Variants in WDR74 observed in about 807,000 individuals in gnomAD.
The protein encoded by WDR74 is WD repeat domain 74, also known as WD repeat-containing protein 74.
In WDR74, 31 loss-of-function variants were observed where a neutral mutation model predicts 45.6. The observed-to-expected ratio is 0.68, with a 90% confidence interval of 0.51 to 0.92. The LOEUF (loss-of-function observed/expected upper bound fraction) is 0.92, where lower values mean the gene tolerates loss of function less well. Ranked by LOEUF, WDR74 falls within the 40% of genes least tolerant of loss-of-function variation. The pLI is 0.00. For missense variants in WDR74, 455 were observed against 497.2 expected, an observed-to-expected ratio of 0.92 and a Z score of 0.81; for synonymous variants, 191 against 192.4, an observed-to-expected ratio of 0.99 and a Z score of 0.06.
chr11:62,833,839 C>A lies in WDR74; in HGVS notation c.874G>T (p.Val292Phe). 6.2e-7 allele frequency: 1 copy of A among 1,613,986 alleles called. No homozygotes were observed. Among genetic ancestry groups the A allele is most frequent in the Non-Finnish European group, 8.5e-7 (1 of 1,179,884 alleles). Residue 292 changes from valine to phenylalanine, a missense_variant, in exon 9 of 11, where the codon GTC becomes TTC. Coordinates refer to ENST00000278856, the MANE Select transcript of WDR74 (RefSeq NM_001369450.1). ...TTCTGGATCCTGTGTATCCTCAAGA[C>A]TCTGTCCAAGCCACAGGAGGCTAGT... ...PLLASCGLDR[V>F]LRIHRIQNPR...
intron 3 of WDR74, among the ~76,000 whole-genome samples, chr11:62,837,414 T>C (rs2084974489): frequency 6.6e-6 from 1 of 150,764 alleles, no homozygotes; most frequent in Non-Finnish European, 1.5e-5. Context: ...AGAGAATCGC[T>C]TGAGCCTGGG....
upstream of WDR74, chr11:62,841,597 A>C (rs904899751): frequency 6.6e-6 from 1 of 152,180 alleles, no homozygotes; most frequent in African/African-American, 2.4e-5. Context: ...TCCATTAAAC[A>C]ACGGTTGTTC....
upstream of WDR74, chr11:62,841,533 A>C (rs540804157): frequency 1.3e-5 from 2 of 151,624 alleles, no homozygotes; most frequent in African/African-American, 4.8e-5. Context: ...ACCTAATCCA[A>C]CTCAAACAAC....
intron 3 of WDR74, among the ~76,000 whole-genome samples, chr11:62,838,769 A>AC (rs2084998031): frequency 6.6e-6 from 1 of 151,828 alleles, no homozygotes; most frequent in African/African-American, 2.4e-5. Flanking sequence ...CCAAAAAAAA[A>AC]AAAAACAAAA....
chr11:62,836,159 T>C, intron 3 of WDR74, 123 bp from the exon 4 acceptor site: 1 of 1,013,230 alleles, frequency 9.9e-7, no homozygotes, highest in African/African-American at 1.6e-5. Flanking sequence ...AAAAGTATTC[T>C]CTAGGCCCCA....
Position 62,833,661 on chromosome 11 carries a change from G to C in WDR74, c.935C>G (p.Ser312Cys). 6.4e-7 allele frequency: 1 copy of C among 1,554,854 alleles called. No individual in the cohort carries two copies. Among genetic ancestry groups the C allele is most frequent in the Non-Finnish European group, 8.7e-7 (1 of 1,148,778 alleles). Reference protein sequence around the residue: ...RGLEHKVYLKSQLNCLLLSGR... With the variant: ...RGLEHKVYLKCQLNCLLLSGR... ...TGACAAGAGGAGGCAGTTCAATTGA[G>C]ACTTGAGATAAACCTGCAAAAGATG... Residue 312 changes from serine (S) to cysteine (C), a missense_variant, in exon 10 of 11, where the codon TCT becomes TGT. Coordinates refer to ENST00000278856, the MANE Select transcript of WDR74 (RefSeq NM_001369450.1).
intron 3 of WDR74, among the ~76,000 whole-genome samples, chr11:62,837,825 T>C (rs895423771): frequency 6.6e-6 from 1 of 152,236 alleles, no homozygotes; most frequent in Non-Finnish European, 1.5e-5. Flanking sequence ...TCCAACCACT[T>C]AGCACCTTCC....
chr11:62,840,835 G>A (rs955968402), upstream of WDR74, among the ~76,000 whole-genome samples: 1 of 152,140 alleles, frequency 6.6e-6, no homozygotes, highest in Non-Finnish European at 1.5e-5. Context: ...CCAACCTCCC[G>A]AAGTGCTAGG....
At chr11:62,834,560 C>T in intron 6 of WDR74, 33 bp from the exon 7 acceptor site, 1 of 1,580,012 alleles carries the variant, frequency 6.3e-7, no homozygotes, top group South Asian at 1.1e-5. Context: ...CAAAAGTATC[C>T]TCACCCTGCA....
chr11:62,841,464 A>T (rs529292234), upstream of WDR74: 8 of 152,372 alleles, frequency 5.3e-5, no homozygotes, highest in African/African-American at 1.7e-4. Context: ...TTATAAAACA[A>T]AACCTTCTCT....
In WDR74 at chr11:62,833,672, A is replaced by C. The variant is rs2084912036; in HGVS notation, c.924T>G (p.Val308=). ...IQNPRGLEHK[V]YLKSQLNCLL... is the part of the protein sequence containing the mutation. ...GGCAGTTCAATTGAGACTTGAGATA[A>C]ACCTGCAAAAGATGAGGGACCTTAA... is the stretch of plus-strand genomic sequence containing the variant. The change falls in exon 10 of 11, where the codon GTT becomes GTG. Residue 308 remains valine (V), a splice_region_variant and synonymous_variant. Coordinates refer to ENST00000278856, the MANE Select transcript of WDR74 (RefSeq NM_001369450.1). The C allele has an allele frequency of 6.4e-7, 1 of 1,557,088 alleles. No homozygotes were observed. The highest frequency in any genetic ancestry group is 1.4e-5 in the African/African-American group (1 of 73,330).
Position 62,839,218 on chromosome 11 carries a change from C to T in WDR74, c.189G>A (p.Ala63=), listed in dbSNP as rs772690331. ...TGCTGAAGTGCTTCACCGTCCTGTC[C>T]GCGCAGCCCACCAGCATCTGCGGCA... The part of the protein sequence containing the change: ...GGETQMLVGC[A]DRTVKHFSTE... The change falls in exon 3 of 11, where the codon GCG becomes GCA. Residue 63 remains alanine (A), a synonymous_variant. Transcript: ENST00000278856. 3.1e-6 allele frequency: 5 copies of T among 1,613,650 alleles called. No homozygotes were observed. Among genetic ancestry groups the T allele is most frequent in the East Asian group, 2.2e-5 (1 of 44,890 alleles).
rs751609631 is a variant in WDR74, at chr11:62,835,521, G to A, written c.528C>T (p.Asp176=). ...PVFRAKNVRN[D]WLDLRVPIWD... ...AGATGGGAACCCGCAAGTCCAGCCA[G>A]TCATTCCGCACCTGGTGGGGTGGGC... The change falls in exon 6 of 11, where the codon GAC becomes GAT. Residue 176 remains aspartate, a synonymous_variant. Transcript: ENST00000278856. 1.9e-6 allele frequency: 3 copies of A among 1,613,822 alleles called. No homozygotes were observed. The East Asian group carries it at 6.7e-5, about 36-fold the overall frequency.
At chr11:62,841,716 TTAATA>T, upstream of WDR74, 1 of 152,312 alleles carries the variant, frequency 6.6e-6, no homozygotes, top group Non-Finnish European at 1.5e-5. Context: ...AAAAATCCAT[TTAATA>T]TATTGTCCTC....
intron 3 of WDR74, 90 bp downstream of exon 3, chr11:62,839,022 TAA>T (rs2085002735): frequency 6.4e-7 from 1 of 1,560,036 alleles, no homozygotes; most frequent in South Asian, 1.2e-5. Context: ...GCCGTGTCAC[TAA>T]GAGTTTGCCT....
At chr11:62,834,402 C>CCCCCCCCA in intron 7 of WDR74, 25 bp downstream of exon 7, 2 of 1,598,014 alleles carry the variant, frequency 1.3e-6, no homozygotes, top group Non-Finnish European at 1.7e-6. Context: ...CCCACCCTCC[C>CCCCCCCCA]ACCCCTTCCC....
chr11:62,835,986 T>C lies in WDR74; in HGVS notation c.344A>G (p.Lys115Arg). Residue 115 changes from lysine (K) to arginine (R), a missense_variant, in exon 4 of 11, where the codon AAG (lysine) becomes AGG (arginine). Transcript: ENST00000278856. ...TGGGTCAGAGGATGTGTCCTTGTCCTTGTCATGCCAGACTCTGAGAATCCC... is the reference window on the plus strand; with the variant it reads ...TGGGTCAGAGGATGTGTCCTTGTCCCTGTCATGCCAGACTCTGAGAATCCC... ...DSGILRVWHD[K>R]DKDTSSDPLL... 6.3e-7 allele frequency: 1 copy of C among 1,597,856 alleles called. No homozygotes were observed. The highest frequency in any genetic ancestry group is 8.5e-7 in the Non-Finnish European group (1 of 1,172,126).
intron 8 of WDR74, 93 bp from the exon 9 acceptor site, chr11:62,834,030 A>C: frequency 1.3e-6 from 2 of 1,537,962 alleles, no homozygotes; most frequent in South Asian, 2.5e-5. Flanking sequence ...TTCAACATTT[A>C]ATCTGCAACA....
Position 62,835,701 on chromosome 11 carries a change from G to C in WDR74, c.510C>G (p.Ala170=). 6.2e-7 allele frequency: 1 copy of C among 1,613,830 alleles called. No individual in the cohort carries two copies. The highest frequency in any genetic ancestry group is 8.5e-7 in the Non-Finnish European group (1 of 1,179,842). Residue 170 remains alanine, a synonymous_variant, in exon 5 of 11, where the codon GCC becomes GCG. Coordinates refer to ENST00000278856, the MANE Select transcript of WDR74 (RefSeq NM_001369450.1). ...LQGSEEPVFR[A]KNVRNDWLDL... ...TCACACTCTTGTCACTCACGTTCTT[G>C]GCCCTGAACACAGGTTCCTCAGAGC...
Sources: allele counts gnomAD v4.1 joint callset (sites outside exome capture counted in the v4.1 genomes callset), GRCh38; gene constraint gnomAD v4.1.1; transcripts MANE v1.5; gene names NCBI Gene and HGNC (gene_info 2026-07-23, HGNC 2026-07-21).